Variants in AUH observed in about 807,000 individuals in gnomAD.
AUH encodes the protein methylglutaconyl-CoA hydratase, mitochondrial.
AUH carries 29 observed loss-of-function variants against 42.3 expected under a neutral mutation model. The observed-to-expected ratio is 0.69, with a 90% CI of 0.51 to 0.93. AUH has a LOEUF of 0.93. Ranked by LOEUF, AUH falls within the 40% of genes least tolerant of loss-of-function variation. AUH has a pLI of 0.00. For synonymous variants in AUH, 174 were observed against 166.4 expected, an observed-to-expected ratio of 1.05 and a Z score of -0.35; for missense variants, 452 against 438.1, an observed-to-expected ratio of 1.03 and a Z score of -0.28.
At chr9:91,215,532 T>C (rs919787933) in intron 9 of AUH, among the ~76,000 whole-genome samples, 7 of 152,346 alleles carry the variant, frequency 4.6e-5, no homozygotes, top group Middle Eastern at 3.4e-3. Flanking sequence ...CCATCTTTTT[T>C]TTTCCTGAAT....
intron 6 of AUH, among the ~76,000 whole-genome samples, chr9:91,262,507 A>T (rs1433134922): frequency 6.6e-6 from 1 of 152,222 alleles, no homozygotes; most frequent in Admixed American, 6.5e-5. Flanking sequence ...CTGAGCCAGC[A>T]TATGAGAGTA....
chr9:91,345,572 G>A (rs142599098), intron 3 of AUH, among the ~76,000 whole-genome samples: 3,835 of 152,034 alleles, frequency 0.025, 77 homozygotes, highest in East Asian at 0.066. Flanking sequence ...GGTGGCTCAC[G>A]CCTGTAATCC....
chr9:91,264,022 C>T (rs955215401), intron 6 of AUH, among the ~76,000 whole-genome samples: 3 of 152,166 alleles, frequency 2.0e-5, no homozygotes, highest in South Asian at 2.1e-4. Context: ...GTAAGCTTCA[C>T]TTTTCCTATA....
chr9:91,328,544 G>A (rs1253657391), intron 3 of AUH, among the ~76,000 whole-genome samples: 2 of 152,140 alleles, frequency 1.3e-5, no homozygotes, highest in African/African-American at 2.4e-5. Context: ...CAGCAGCTCA[G>A]AAATCTCTGT....
intron 6 of AUH, among the ~76,000 whole-genome samples, chr9:91,291,537 T>C (rs1290645226): frequency 6.6e-6 from 1 of 152,246 alleles, no homozygotes; most frequent in African/African-American, 2.4e-5. Context: ...TGGTGTTTTT[T>C]ATTAGTCACA....
intron 4 of AUH, among the ~76,000 whole-genome samples, chr9:91,309,824 C>G (rs1372329878): frequency 6.6e-6 from 1 of 152,186 alleles, no homozygotes; most frequent in African/African-American, 2.4e-5. Flanking sequence ...AAAATAAGCA[C>G]AAACAATTAA....
intron 6 of AUH, among the ~76,000 whole-genome samples, chr9:91,251,835 C>T (rs970703144): frequency 8.5e-5 from 13 of 152,184 alleles, no homozygotes; most frequent in African/African-American, 3.1e-4. Context: ...ATAAATATTT[C>T]CTGCATTCCA....
At chr9:91,239,763 A>G (rs1042798727) in intron 6 of AUH, among the ~76,000 whole-genome samples, 16 of 151,588 alleles carry the variant, frequency 1.1e-4, no homozygotes, top group African/African-American at 3.6e-4. Context: ...ACACATGCAC[A>G]CACGCACGCA....
At chr9:91,357,072 A>G (rs1391630353) in intron 1 of AUH, among the ~76,000 whole-genome samples, 2 of 152,246 alleles carry the variant, frequency 1.3e-5, no homozygotes, top group Non-Finnish European at 2.9e-5. Context: ...ACTTCTGCTC[A>G]CAAGAGTAAA....
chr9:91,257,051 G>A (rs1829440776), intron 6 of AUH, among the ~76,000 whole-genome samples: 1 of 152,166 alleles, frequency 6.6e-6, no homozygotes, highest in African/African-American at 2.4e-5. Flanking sequence ...TGAGGTTGAT[G>A]AGAATGTTCT....
At chr9:91,299,901 C>T (rs1228337946) in intron 4 of AUH, among the ~76,000 whole-genome samples, 1 of 152,130 alleles carries the variant, frequency 6.6e-6, no homozygotes, top group Non-Finnish European at 1.5e-5. Context: ...TTAGGCCTTG[C>T]TAAGGCCCTC....
chr9:91,217,276 C>T lies in AUH; in HGVS notation c.894+1G>A. On this transcript the variant is annotated splice_donor_variant, in intron 8 of 9. Coordinates refer to ENST00000375731, the MANE Select transcript of AUH (RefSeq NM_001698.3). LOFTEE classifies it high-confidence loss of function. ...ACAAACTCAAGCATTAAGGAACCTA[C>T]CTCCATCCCTTGATTAATTGCTAAT... The T allele has an allele frequency of 6.2e-7, 1 of 1,613,390 alleles. No homozygotes were observed. The highest frequency in any genetic ancestry group is 8.5e-7 in the Non-Finnish European group (1 of 1,179,428).
chr9:91,309,011 C>T (rs562998974), intron 4 of AUH, among the ~76,000 whole-genome samples: 9 of 151,816 alleles, frequency 5.9e-5, no homozygotes, highest in Non-Finnish European at 1.2e-4. Context: ...AGGCTGGTCT[C>T]GAACTCCTGA....
chr9:91,277,592 T>A lies in AUH; in HGVS notation c.655+18429A>T, dbSNP rs962377469. Among the ~76,000 whole-genome samples the A allele has an allele frequency of 1.3e-4, 20 of 152,260 alleles. No individual in the cohort carries two copies. The South Asian group carries it at 1.7e-3, about 13-fold the overall frequency. On this transcript the variant is annotated intron_variant, in intron 6 of 9. Transcript: ENST00000375731. ...TAATTTTAGGGAAAAAATCTATGTA[T>A]GTATGTATGTATGAATATATCAGTG... is the stretch of plus-strand genomic sequence containing the variant.
intron 7 of AUH, chr9:91,218,668 ATTT>A (rs1402777658): frequency 2.0e-6 from 2 of 985,402 alleles, no homozygotes; most frequent in Admixed American, 6.1e-5. Flanking sequence ...GCTTGATTTA[ATTT>A]GTTTCCTCCT....
At chr9:91,263,454 G>A (rs1175693391) in intron 6 of AUH, among the ~76,000 whole-genome samples, 1 of 152,188 alleles carries the variant, frequency 6.6e-6, no homozygotes, top group Non-Finnish European at 1.5e-5. Context: ...AGCCAAGTGT[G>A]AAGAAAAAGT....
chr9:91,355,476 G>C (rs1006168083), intron 3 of AUH, among the ~76,000 whole-genome samples: 1 of 151,978 alleles, frequency 6.6e-6, no homozygotes, highest in Non-Finnish European at 1.5e-5. Flanking sequence ...AGAATCACTT[G>C]AACTGGGGAG....
intron 4 of AUH, among the ~76,000 whole-genome samples, chr9:91,312,084 A>C (rs1478953984): frequency 6.6e-6 from 1 of 152,148 alleles, no homozygotes; most frequent in African/African-American, 2.4e-5. Context: ...AGACTTTCTA[A>C]GATACTAGGA....
At chr9:91,279,272 A>G (rs540176521) in intron 6 of AUH, among the ~76,000 whole-genome samples, 1 of 152,296 alleles carries the variant, frequency 6.6e-6, no homozygotes, top group East Asian at 1.9e-4. Flanking sequence ...ACAACAACCT[A>G]TGATATAGGC....
Sources: gnomAD v4.1 joint callset for allele counts (sites outside exome capture counted in the v4.1 genomes callset) on GRCh38, gnomAD v4.1.1 for gene constraint, MANE v1.5 for transcripts, NCBI Gene and HGNC (gene_info 2026-07-23, HGNC 2026-07-21) for gene names.